Variants in USP4 observed in about 807,000 individuals in gnomAD.
The protein encoded by USP4 is ubiquitin specific peptidase 4, also known as ubiquitin carboxyl-terminal hydrolase 4.
A neutral mutation model predicts 118.2 loss-of-function variants in USP4; 72 were observed. That is an observed-to-expected ratio of 0.61 (90% CI 0.50 to 0.74). The LOEUF is 0.74. USP4 is among the 30% of genes least tolerant of loss of function. The pLI, the probability that USP4 is intolerant of heterozygous loss-of-function variation, is 0.00. For missense variants in USP4, 1,037 were observed against 1,185.7 expected (o/e 0.87, Z 1.84); for synonymous variants, 415 against 440.4 (o/e 0.94, Z 0.72).
chr3:49,280,884 TAAACCC>T, intron 19 of USP4, 37 bp from the exon 20 acceptor site: 2 of 1,587,526 alleles, frequency 1.3e-6, no homozygotes, highest in Non-Finnish European at 1.7e-6. Context: ...TTGAATATGT[TAAACCC>T]AAACAAAGTA....
At chr3:49,299,661 G>A (rs1294941599) in intron 11 of USP4, among the ~76,000 whole-genome samples, 1 of 152,074 alleles carries the variant, frequency 6.6e-6, no homozygotes, top group African/African-American at 2.4e-5. Flanking sequence ...CAAAGTGCTG[G>A]GATTACAGGC....
chr3:49,306,818 C>G (rs148688834), intron 8 of USP4, among the ~76,000 whole-genome samples: 3,693 of 151,778 alleles, frequency 0.024, 160 homozygotes, highest in African/African-American at 0.085. Context: ...GAGTTTTGCT[C>G]TTTTTGCCCA....
chr3:49,315,960 T>C (rs1311906654), intron 6 of USP4, among the ~76,000 whole-genome samples: 2 of 152,106 alleles, frequency 1.3e-5, no homozygotes, highest in Non-Finnish European at 2.9e-5. Flanking sequence ...TCCCAGCACT[T>C]TGGGAGGCTG....
In USP4 at chr3:49,305,647, G is replaced by A. The variant is rs1019347022; in HGVS notation, c.1128+68C>T. 21 of 1,394,570 alleles carry A rather than the reference G, an allele frequency of 1.5e-5. No homozygotes were observed. In the South Asian group the frequency reaches 1.9e-4, roughly 13 times the overall value. The allele number at this position is 1,394,570 out of a possible 1,614,324, so 86.4% of individuals were successfully genotyped here. On this transcript the variant is annotated intron_variant, in intron 9 of 21. Coordinates refer to ENST00000265560, the MANE Select transcript of USP4 (RefSeq NM_003363.4). ...AAAATCCTAAAAAACCTGAAGTCCCGAAACATTTCTGGTCCCAGGCATCTA... is the reference window on the plus strand; with the variant it reads ...AAAATCCTAAAAAACCTGAAGTCCCAAAACATTTCTGGTCCCAGGCATCTA...
At chr3:49,283,885 C>G in intron 19 of USP4, 102 bp downstream of exon 19, 1 of 1,434,790 alleles carries the variant, frequency 7.0e-7, no homozygotes, top group Non-Finnish European at 9.6e-7. Flanking sequence ...AACACACATC[C>G]TTACTCAGAA....
chr3:49,300,927 T>C (rs531345897), intron 10 of USP4, among the ~76,000 whole-genome samples: 2 of 152,218 alleles, frequency 1.3e-5, no homozygotes, highest in African/African-American at 4.8e-5. Context: ...TATATGTTTA[T>C]ATATATACAT....
chr3:49,278,750 G>C, intron 21 of USP4, 64 bp downstream of exon 21: 1 of 1,273,400 alleles, frequency 7.9e-7, no homozygotes, highest in Non-Finnish European at 1.1e-6. Flanking sequence ...TAGCCTGATA[G>C]AGGCTCTTCC....
intron 8 of USP4, among the ~76,000 whole-genome samples, chr3:49,306,216 T>G (rs888088895): frequency 6.6e-6 from 1 of 151,694 alleles, no homozygotes; most frequent in African/African-American, 2.4e-5. Context: ...TTTTGTTTTT[T>G]TTTTTTTTGA....
chr3:49,278,172 A>T lies in USP4; in HGVS notation c.*121T>A, dbSNP rs2046982068. Reference sequence around the variant, plus strand: ...TTTTTTTTTGTTTCCTTCTGCTCATAAAAGAAGGGTATTTCCTTGTCTGGT... The same window carrying T: ...TTTTTTTTTGTTTCCTTCTGCTCATTAAAGAAGGGTATTTCCTTGTCTGGT... On this transcript the variant is annotated 3_prime_UTR_variant, in exon 22 of 22. Transcript: ENST00000265560. 8.9e-7 allele frequency: 1 copy of T among 1,123,510 alleles called. No homozygotes were observed. Among genetic ancestry groups the T allele is most frequent in the Non-Finnish European group, 1.2e-6 (1 of 833,704 alleles). 69.6% of individuals were successfully genotyped at this position (1,123,510 alleles called of 1,614,324 possible).
At chr3:49,286,795 G>A (rs1452177077) in intron 15 of USP4, among the ~76,000 whole-genome samples, 1 of 149,606 alleles carries the variant, frequency 6.7e-6, no homozygotes, top group African/African-American at 2.5e-5. Context: ...CTATCCATCC[G>A]AGACAGTCTC....
intron 3 of USP4, among the ~76,000 whole-genome samples, chr3:49,326,164 A>G (rs2047552106): frequency 6.6e-6 from 1 of 152,022 alleles, no homozygotes; most frequent in Non-Finnish European, 1.5e-5. Context: ...GAAAAATACA[A>G]AAATTAGCCG....
At chr3:49,281,332 T>C (rs2047021840) in intron 19 of USP4, among the ~76,000 whole-genome samples, 1 of 151,714 alleles carries the variant, frequency 6.6e-6, no homozygotes, top group Non-Finnish European at 1.5e-5. Context: ...GGTGGGCGCC[T>C]GTAGTCCCAG....
At chr3:49,295,895 G>A (rs1289218454) in intron 13 of USP4, among the ~76,000 whole-genome samples, 10 of 152,050 alleles carry the variant, frequency 6.6e-5, no homozygotes, top group Non-Finnish European at 1.5e-4. Context: ...CCAGGTTCCA[G>A]GTCCACATTG....
intron 14 of USP4, among the ~76,000 whole-genome samples, chr3:49,293,197 T>G (rs1206337433): frequency 6.6e-6 from 1 of 151,880 alleles, no homozygotes. Context: ...GCCAACATGG[T>G]GAAACCCCAT....
At position 49,282,983 on chromosome 3, in the gene USP4, C is replaced by T. The variant is rs996483831; in HGVS notation, c.2540+1004G>A. On this transcript the variant is annotated intron_variant, in intron 19 of 21. Transcript: ENST00000265560. Reference sequence around the variant, plus strand: ...TTGGCCTCCCACAGTGCTGGGATTACAGGTGTGAGCCACTGTGCCGGCCTC... The same window carrying T: ...TTGGCCTCCCACAGTGCTGGGATTATAGGTGTGAGCCACTGTGCCGGCCTC... 5.0e-5 allele frequency among the ~76,000 whole-genome samples: 7 copies of T among 140,844 alleles called. 1 individual carries two copies. Among genetic ancestry groups the T allele is most frequent in the African/African-American group, 1.3e-4 (5 of 37,674 alleles). The allele number at this position is 140,844 out of a possible 152,430, so 92.4% of individuals were successfully genotyped here.
chr3:49,295,701 T>C (rs910076522), intron 13 of USP4, among the ~76,000 whole-genome samples: 14 of 146,070 alleles, frequency 9.6e-5, no homozygotes, highest in South Asian at 2.1e-4. Context: ...TATGCACGTG[T>C]GCGCGCGCGC....
At chr3:49,299,000 TG>T (rs1489667251) in intron 11 of USP4, among the ~76,000 whole-genome samples, 9 of 152,236 alleles carry the variant, frequency 5.9e-5, no homozygotes, top group African/African-American at 2.2e-4. Context: ...CTCAAACTCC[TG>T]GCCTCGAGCA....
chr3:49,316,789 A>C (rs1016315756), intron 6 of USP4: 5 of 481,306 alleles, frequency 1.0e-5, no homozygotes, highest in African/African-American at 7.7e-5. Flanking sequence ...CATGGTGCTC[A>C]GACTACAACC....
chr3:49,299,930 C>T (rs1255043851), intron 11 of USP4, among the ~76,000 whole-genome samples: 2 of 152,066 alleles, frequency 1.3e-5, no homozygotes, highest in Middle Eastern at 3.4e-3. Context: ...TTACTTTAGT[C>T]GCGTGAATGA....
Sources: allele counts gnomAD v4.1 joint callset (sites outside exome capture counted in the v4.1 genomes callset), GRCh38; gene constraint gnomAD v4.1.1; transcripts MANE v1.5; gene names NCBI Gene and HGNC (gene_info 2026-07-23, HGNC 2026-07-21).